IL36A: variants seen among roughly 807,000 people sequenced by gnomAD.
IL36A encodes interleukin 36 alpha.
A neutral mutation model predicts 12.7 loss-of-function variants in IL36A; 13 were observed. The ratio of observed to expected loss-of-function variants is 1.02; its 90% CI spans 0.67 to 1.63. The LOEUF (loss-of-function observed/expected upper bound fraction) is 1.63. Among genes scored for constraint, IL36A ranks in the 40% most tolerant of loss-of-function variants. The pLI is 0.00. For missense variants in IL36A, 195 were observed against 192.9 expected (o/e 1.01, Z -0.07); for synonymous variants, 73 against 71.9 (o/e 1.01, Z -0.08).
rs367920192 is a variant in IL36A at position 113,006,000 on chromosome 2, G to A, written c.37G>A (p.Gly13Arg). 1.4e-5 allele frequency: 23 copies of A among 1,613,820 alleles called. 1 individual carries two copies. The highest frequency in any genetic ancestry group is 1.6e-4 in the Middle Eastern group (1 of 6,084). ...ATTGAAAATTGACACACCTCAGCAG[G>A]GGAGCATTCAGGATATCAATCATCG... ...KALKIDTPQQGSIQDINHRVW... is the reference protein window; with the variant it reads ...KALKIDTPQQRSIQDINHRVW... Residue 13 changes from glycine to arginine, a missense_variant, in exon 2 of 4, where the codon GGG becomes AGG. Transcript: ENST00000259211.
chr2:113,009,284 A>AT (rs1385531953), downstream of IL36A, among the ~76,000 whole-genome samples: 1 of 151,826 alleles, frequency 6.6e-6, no homozygotes, highest in Admixed American at 6.6e-5. Context: ...TAGAAATACC[A>AT]TTTTACCTAG....
At chr2:113,010,679 T>C (rs879765217), downstream of IL36A, among the ~76,000 whole-genome samples, 1 of 152,210 alleles carries the variant, frequency 6.6e-6, no homozygotes, top group Admixed American at 6.5e-5. Flanking sequence ...AACATTGCAT[T>C]TTCTCTTAGT....
downstream of IL36A, among the ~76,000 whole-genome samples, chr2:113,009,784 G>A (rs1482275256): frequency 1.3e-5 from 2 of 152,204 alleles, no homozygotes; most frequent in Non-Finnish European, 2.9e-5. Flanking sequence ...CAGGTGCACA[G>A]CTATCTGAAA....
chr2:113,009,154 C>A (rs976588599), downstream of IL36A, among the ~76,000 whole-genome samples: 3 of 151,866 alleles, frequency 2.0e-5, no homozygotes, highest in Non-Finnish European at 4.4e-5. Context: ...ATGAACTCAT[C>A]ATTTTTTATG....
chr2:113,007,964 G>GAA lies in IL36A; in HGVS notation c.398_399dup (p.Gly134LysfsTer22). On this transcript the variant is annotated frameshift_variant, in exon 4 of 4. Coordinates refer to ENST00000259211, the MANE Select transcript of IL36A (RefSeq NM_014440.3). LOFTEE classifies it low-confidence loss of function (END_TRUNC). ...TGGCTGGTTCATCGCTGTCAGCTCTGAAGGAGGCTGTCCTCTCATCCTTAC... is the reference window on the plus strand; with the variant it reads ...TGGCTGGTTCATCGCTGTCAGCTCTGAAAAGGAGGCTGTCCTCTCATCCTTAC... 1 of 1,614,212 alleles carries GAA rather than the reference G, an allele frequency of 6.2e-7. No individual in the cohort carries two copies. Among genetic ancestry groups the GAA allele is most frequent in the Non-Finnish European group, 8.5e-7 (1 of 1,180,044 alleles).
In IL36A at chr2:113,007,936, C is replaced by T; in HGVS notation, c.369C>T (p.Phe123=). 6.2e-7 allele frequency: 1 copy of T among 1,614,196 alleles called. No individual in the cohort carries two copies. The highest frequency in any genetic ancestry group is 1.1e-5 in the South Asian group (1 of 91,082). The change falls in exon 4 of 4, where the codon TTC becomes TTT. Residue 123 remains phenylalanine (F), a synonymous_variant. Coordinates refer to ENST00000259211, the MANE Select transcript of IL36A (RefSeq NM_014440.3). Reference sequence around the variant, plus strand: ...ACTCCACCTTCGAGTCTGTGGCTTTCCCTGGCTGGTTCATCGCTGTCAGCT... The same window carrying T: ...ACTCCACCTTCGAGTCTGTGGCTTTTCCTGGCTGGTTCATCGCTGTCAGCT... ...GRNSTFESVA[F]PGWFIAVSSE...
downstream of IL36A, chr2:113,008,106 G>C (rs1684665597): frequency 4.4e-6 from 6 of 1,359,378 alleles, no homozygotes; most frequent in South Asian, 7.2e-5. Flanking sequence ...TCTTAGCCTG[G>C]AATGGGCAGG....
chr2:113,009,067 G>A (rs1023217016), downstream of IL36A, among the ~76,000 whole-genome samples: 1 of 148,020 alleles, frequency 6.8e-6, no homozygotes, highest in Admixed American at 6.9e-5. Flanking sequence ...GAGAAGATGC[G>A]GTGTTTGGTT....
At chr2:113,008,093 T>C, downstream of IL36A, 1 of 1,485,146 alleles carries the variant, frequency 6.7e-7, no homozygotes, top group Non-Finnish European at 9.4e-7. Context: ...AATCTTAGTA[T>C]AATCTTAGCC....
In IL36A at chr2:113,005,814, G is replaced by A; in HGVS notation, c.-58G>A. 1 of 1,604,140 alleles carries A rather than the reference G, an allele frequency of 6.2e-7. No individual in the cohort carries two copies. The highest frequency in any genetic ancestry group is 8.5e-7 in the Non-Finnish European group (1 of 1,170,944). On this transcript the variant is annotated 5_prime_UTR_variant, in exon 1 of 4. Coordinates refer to ENST00000259211, the MANE Select transcript of IL36A (RefSeq NM_014440.3). Reference sequence around the variant, plus strand: ...GGACTGACTCAGGTCCTCTCTTGGGGTCGGTCTGCACATAAAAGGACTCCT... The same window carrying A: ...GGACTGACTCAGGTCCTCTCTTGGGATCGGTCTGCACATAAAAGGACTCCT...
In IL36A at chr2:113,006,614, C is replaced by A; in HGVS notation, c.141C>A (p.Ile47=). Residue 47 remains isoleucine (I), a synonymous_variant, in exon 3 of 4, where the codon ATC becomes ATA. Coordinates refer to ENST00000259211, the MANE Select transcript of IL36A (RefSeq NM_014440.3). ...TGTTCCCAGTCACTATTGCCTTAATCTCATGCCGACATGTGGAGACCCTTG... is the reference window on the plus strand; with the variant it reads ...TGTTCCCAGTCACTATTGCCTTAATATCATGCCGACATGTGGAGACCCTTG... ...DRMSPVTIAL[I]SCRHVETLEK... 1 of 1,614,090 alleles carries A rather than the reference C, an allele frequency of 6.2e-7. No homozygotes were observed. Among genetic ancestry groups the A allele is most frequent in the Non-Finnish European group, 8.5e-7 (1 of 1,180,010 alleles).
rs763397803 is a variant in IL36A at position 113,005,841 on chromosome 2, T to C, written c.-31T>C. 6.2e-7 allele frequency: 1 copy of C among 1,614,016 alleles called. No homozygotes were observed. The highest frequency in any genetic ancestry group is 8.5e-7 in the Non-Finnish European group (1 of 1,179,926). ...CGGTCTGCACATAAAAGGACTCCTA[T>C]CCTTGGCAGTTCTGAAACAACACCA... On this transcript the variant is annotated 5_prime_UTR_variant, in exon 1 of 4. Transcript: ENST00000259211.
chr2:113,005,897 G>A lies in IL36A; in HGVS notation c.10+16G>A. The A allele has an allele frequency of 6.2e-7, 1 of 1,614,062 alleles. No homozygotes were observed. The highest frequency in any genetic ancestry group is 8.5e-7 in the Non-Finnish European group (1 of 1,179,954). On this transcript the variant is annotated intron_variant, in intron 1 of 3. Coordinates refer to ENST00000259211, the MANE Select transcript of IL36A (RefSeq NM_014440.3). ...ATGGAAAAAGGTAAAGATCCTCGTG[G>A]AAGGGCGAAAAATTGACAAGGGGGT...
downstream of IL36A, among the ~76,000 whole-genome samples, chr2:113,008,317 A>G (rs1684670114): frequency 6.6e-6 from 1 of 151,254 alleles, no homozygotes; most frequent in African/African-American, 2.4e-5. Flanking sequence ...ACTTAACATA[A>G]TTGCTAATAA....
At chr2:113,008,085 T>A (rs1371090817), downstream of IL36A, 2 of 1,524,550 alleles carry the variant, frequency 1.3e-6, no homozygotes, top group Non-Finnish European at 1.8e-6. Flanking sequence ...GCAGGGAAAA[T>A]CTTAGTATAA....
At chr2:113,010,574 G>GT (rs1377426982), downstream of IL36A, among the ~76,000 whole-genome samples, 2 of 152,158 alleles carry the variant, frequency 1.3e-5, no homozygotes, top group African/African-American at 2.4e-5. Flanking sequence ...CATCTTTGAC[G>GT]TTGCCTGGAT....
intron 2 of IL36A, 101 bp downstream of exon 2, chr2:113,006,188 T>C (rs1193415604): frequency 3.9e-6 from 3 of 771,464 alleles, no homozygotes; most frequent in Admixed American, 2.0e-5. Context: ...ACCGGGCATA[T>C]CTACAGAGAG....
At chr2:113,007,521 T>C (rs1456420338) in intron 3 of IL36A, among the ~76,000 whole-genome samples, 1 of 152,228 alleles carries the variant, frequency 6.6e-6, no homozygotes, top group Non-Finnish European at 1.5e-5. Flanking sequence ...TACATAAATA[T>C]TCTTTAAGTT....
Position 113,006,662 on chromosome 2 carries a change from C to T in IL36A, c.189C>T (p.Ile63=), listed in dbSNP as rs1332923012. The change falls in exon 3 of 4, where the codon ATC becomes ATT. Residue 63 remains isoleucine, a synonymous_variant. Coordinates refer to ENST00000259211, the MANE Select transcript of IL36A (RefSeq NM_014440.3). ...TTGAGAAAGACAGAGGGAACCCCATCTACCTGGGCCTGAATGGACTCAATC... is the reference window on the plus strand; with the variant it reads ...TTGAGAAAGACAGAGGGAACCCCATTTACCTGGGCCTGAATGGACTCAATC... ...ETLEKDRGNP[I]YLGLNGLNLC... The T allele has an allele frequency of 6.2e-7, 1 of 1,614,164 alleles. No homozygotes were observed. Among genetic ancestry groups the T allele is most frequent in the South Asian group, 1.1e-5 (1 of 91,080 alleles).
Sources: allele counts gnomAD v4.1 joint callset (sites outside exome capture counted in the v4.1 genomes callset), GRCh38; gene constraint gnomAD v4.1.1; transcripts MANE v1.5; gene names NCBI Gene and HGNC (gene_info 2026-07-23, HGNC 2026-07-21).